ADGRA2: variants seen among roughly 807,000 people sequenced by gnomAD.
The protein encoded by ADGRA2 is adhesion G protein-coupled receptor A2.
A neutral mutation model predicts 98.7 loss-of-function variants in ADGRA2; 61 were observed. The observed-to-expected ratio is 0.62, with a 90% CI of 0.50 to 0.76. ADGRA2 has a LOEUF of 0.76. Ranked by LOEUF, ADGRA2 falls within the 30% of genes least tolerant of loss-of-function variation. The probability of loss-of-function intolerance (pLI) is 0.00; values close to 1 mark genes in which losing one functional copy is unlikely to be tolerated. For synonymous variants in ADGRA2, 858 were observed against 831.5 expected, an observed-to-expected ratio of 1.03 and a Z score of -0.55; for missense variants, 1,712 against 1,860.0, an observed-to-expected ratio of 0.92 and a Z score of 1.46.
rs913049838 is a variant in ADGRA2, at chr8:37,834,762, T to C, written c.1609-412T>C. 3.3e-5 allele frequency among the ~76,000 whole-genome samples: 5 copies of C among 152,044 alleles called. No homozygotes were observed. The highest frequency in any genetic ancestry group is 9.7e-5 in the African/African-American group (4 of 41,384). On this transcript the variant is annotated intron_variant, in intron 11 of 18. Coordinates refer to ENST00000412232, the MANE Select transcript of ADGRA2 (RefSeq NM_032777.10). The surrounding 1 kb of genome is among the most constrained non-coding windows in gnomAD (Gnocchi z 4.2). ...CAAAAATTACCCAGGAGTGTTGGCA[T>C]GCGCCTGTGGTCCCAGCTACTCGGG...
chr8:37,824,012 C>T (rs2129981853), intron 2 of ADGRA2, among the ~76,000 whole-genome samples: 1 of 151,662 alleles, frequency 6.6e-6, no homozygotes, highest in Non-Finnish European at 1.5e-5. Flanking sequence ...CTTTCACTTT[C>T]TTGATGATAT....
chr8:37,797,201 G>T lies in ADGRA2; in HGVS notation c.-68G>T, dbSNP rs2129869929. 1 of 1,160,114 alleles carries T rather than the reference G, an allele frequency of 8.6e-7. No individual in the cohort carries two copies. The highest frequency in any genetic ancestry group is 3.7e-5 in the East Asian group (1 of 27,252). The allele number at this position is 1,160,114 out of a possible 1,614,324, so 71.9% of individuals were successfully genotyped here. Reference sequence around the variant, plus strand: ...CCCCCGCTGAGCACTCCTCCCGCACGCCTGGGTCCCTCCGGCCGGCGCGCA... The same window carrying T: ...CCCCCGCTGAGCACTCCTCCCGCACTCCTGGGTCCCTCCGGCCGGCGCGCA... On this transcript the variant is annotated 5_prime_UTR_variant, in exon 1 of 19. Coordinates refer to ENST00000412232, the MANE Select transcript of ADGRA2 (RefSeq NM_032777.10). This position sits in a 1 kb window ranked among gnomAD's most constrained non-coding sequence, Gnocchi z 5.3.
rs765595520 is a variant in ADGRA2 at position 37,841,784 on chromosome 8, C to G, written c.3446C>G (p.Ala1149Gly). Reference sequence around the variant, plus strand: ...CTGGCCCAGAGTCAGGTGTGCGAGGCGGGGGCGGCGGCCGGCGGGGAAGGA... The same window carrying G: ...CTGGCCCAGAGTCAGGTGTGCGAGGGGGGGGCGGCGGCCGGCGGGGAAGGA... ...LQLAQSQVCE[A>G]GAAAGGEGEP... Residue 1149 changes from alanine (A) to glycine (G), a missense_variant, in exon 19 of 19, where the codon GCG becomes GGG. Coordinates refer to ENST00000412232, the MANE Select transcript of ADGRA2 (RefSeq NM_032777.10). This position sits in a 1 kb window ranked among gnomAD's most constrained non-coding sequence, Gnocchi z 5.0. 6.5e-7 allele frequency: 1 copy of G among 1,533,374 alleles called. No homozygotes were observed. The highest frequency in any genetic ancestry group is 8.7e-7 in the Non-Finnish European group (1 of 1,144,030). 95.0% of individuals were successfully genotyped at this position (1,533,374 alleles called of 1,614,324 possible).
rs1223298294 is a variant in ADGRA2, at chr8:37,797,887, A to C, written c.266+353A>C. Among the ~76,000 whole-genome samples, 1 of 152,144 alleles carries C rather than the reference A, an allele frequency of 6.6e-6. No individual in the cohort carries two copies. Among genetic ancestry groups the C allele is most frequent in the African/African-American group, 2.4e-5 (1 of 41,438 alleles). On this transcript the variant is annotated intron_variant, in intron 1 of 18. Coordinates refer to ENST00000412232, the MANE Select transcript of ADGRA2 (RefSeq NM_032777.10). The surrounding 1 kb of genome is among the most constrained non-coding windows in gnomAD (Gnocchi z 5.3). ...ACTTTGGGGACCTGAGAAGGGTGAG[A>C]GCGGGGAATGCTCAGGAAAGATCGA...
intron 1 of ADGRA2, among the ~76,000 whole-genome samples, chr8:37,805,354 T>C (rs944705866): frequency 6.6e-6 from 1 of 152,134 alleles, no homozygotes. Context: ...GTAGCAAATA[T>C]AGCTTCTATG....
At chr8:37,817,100 C>T (rs548871929) in intron 2 of ADGRA2, among the ~76,000 whole-genome samples, 3 of 152,230 alleles carry the variant, frequency 2.0e-5, no homozygotes, top group Non-Finnish European at 2.9e-5. Context: ...ACAGCAGCCT[C>T]GTGAGGGAGC....
In ADGRA2 at chr8:37,831,491, A is replaced by G; in HGVS notation, c.1001A>G (p.Gln334Arg). Residue 334 changes from glutamine to arginine, a missense_variant, in exon 8 of 19, where the codon CAA becomes CGA. Gln to Arg is a conservative substitution (Grantham distance 43, BLOSUM62 1). Coordinates refer to ENST00000412232, the MANE Select transcript of ADGRA2 (RefSeq NM_032777.10). The stretch of plus-strand genomic sequence containing the variant: ...TGGGAGTGCACCGTGTCCATGGCCC[A>G]AGGCAACGCCAGCAAGAAGGTGGAG... ...GEWECTVSMAQGNASKKVEIV... is the reference protein window; with the variant it reads ...GEWECTVSMARGNASKKVEIV... The G allele has an allele frequency of 6.2e-7, 1 of 1,613,822 alleles. No individual in the cohort carries two copies. Among genetic ancestry groups the G allele is most frequent in the Non-Finnish European group, 8.5e-7 (1 of 1,180,006 alleles).
chr8:37,817,834 T>C (rs923363020), intron 2 of ADGRA2, among the ~76,000 whole-genome samples: 3 of 152,150 alleles, frequency 2.0e-5, no homozygotes, highest in African/African-American at 7.2e-5. Flanking sequence ...CTGGCCAACA[T>C]GGTGAAACCC....
In ADGRA2 at chr8:37,837,610, G is replaced by A. The variant is rs922905752; in HGVS notation, c.2051-121G>A. 12 of 814,352 alleles carry A rather than the reference G, an allele frequency of 1.5e-5. No homozygotes were observed. The South Asian group carries it at 1.5e-4, about 10-fold the overall frequency. 50.4% of individuals were successfully genotyped at this position (814,352 alleles called of 1,614,324 possible). ...CACCGCATGCCCCCAGCCCAGCACTGTGCCCTGCCTGGCAGGTGCCTAGTA... is the reference window on the plus strand; with the variant it reads ...CACCGCATGCCCCCAGCCCAGCACTATGCCCTGCCTGGCAGGTGCCTAGTA... On this transcript the variant is annotated intron_variant, in intron 13 of 18. Coordinates refer to ENST00000412232, the MANE Select transcript of ADGRA2 (RefSeq NM_032777.10).
chr8:37,807,942 C>G (rs12678351), intron 1 of ADGRA2, among the ~76,000 whole-genome samples: 11,151 of 152,202 alleles, frequency 0.073, 940 homozygotes, highest in East Asian at 0.19. Context: ...CCACGTGACT[C>G]CTGCAGGGTC....
chr8:37,818,150 G>A (rs1338928220), intron 2 of ADGRA2, among the ~76,000 whole-genome samples: 5 of 152,192 alleles, frequency 3.3e-5, no homozygotes, highest in East Asian at 1.9e-4. Flanking sequence ...TCTTGGAGTC[G>A]CAGGAAACCA....
Position 37,841,508 on chromosome 8 carries a change from C to T in ADGRA2, c.3170C>T (p.Ala1057Val), listed in dbSNP as rs1239705191. 5 of 1,612,752 alleles carry T rather than the reference C, an allele frequency of 3.1e-6. No individual in the cohort carries two copies. The Admixed American group carries it at 6.7e-5, about 22-fold the overall frequency. ...RVVCSCLYGV[A>V]ASALGLFVFT... ...GTGTGCAGCTGCTTGTACGGGGTGG[C>T]AGCCTCCGCCCTGGGCCTCTTCGTC... Residue 1057 changes from alanine to valine, a missense_variant, in exon 19 of 19, where the codon GCA (alanine) becomes GTA (valine). Ala to Val is a moderately conservative substitution (Grantham distance 64, BLOSUM62 0). Coordinates refer to ENST00000412232, the MANE Select transcript of ADGRA2 (RefSeq NM_032777.10). This position sits in a 1 kb window ranked among gnomAD's most constrained non-coding sequence, Gnocchi z 5.0.
intron 1 of ADGRA2, among the ~76,000 whole-genome samples, chr8:37,800,704 A>G (rs1039270379): frequency 6.6e-6 from 1 of 152,144 alleles, no homozygotes; most frequent in East Asian, 1.9e-4. Flanking sequence ...TCTGGGAAGG[A>G]GGGAGCTGCC....
At position 37,829,929 on chromosome 8, in the gene ADGRA2, G is replaced by A. The variant is rs758944020; in HGVS notation, c.633G>A (p.Gln211=). 1.2e-6 allele frequency: 2 copies of A among 1,612,270 alleles called. No homozygotes were observed. Among genetic ancestry groups the A allele is most frequent in the Non-Finnish European group, 1.7e-6 (2 of 1,179,872 alleles). ...LLPWAQNRSL[Q]LSEHTLCAYP... ...CCTGGGCCCAGAATCGCTCCCTGCAGCTGTCGGAACACACGCTCTGTGCTT... is the reference window on the plus strand; with the variant it reads ...CCTGGGCCCAGAATCGCTCCCTGCAACTGTCGGAACACACGCTCTGTGCTT... Residue 211 remains glutamine, a synonymous_variant, in exon 6 of 19, where the codon CAG becomes CAA. Transcript: ENST00000412232.
rs1285420605 is a variant in ADGRA2 at position 37,833,807 on chromosome 8, A to G, written c.1416A>G (p.Lys472=). The G allele has an allele frequency of 1.9e-6, 3 of 1,614,048 alleles. No homozygotes were observed. The highest frequency in any genetic ancestry group is 2.5e-6 in the Non-Finnish European group (3 of 1,180,032). ...TCTATGTGGCTCAGATGATCCAGAA[A>G]TTTTTGGGTTATGTCGACCAGATCA... ...DVVYVAQMIQ[K]FLGYVDQIKE... The change falls in exon 10 of 19, where the codon AAA becomes AAG. Residue 472 remains lysine (K), a synonymous_variant. Transcript: ENST00000412232.
intron 1 of ADGRA2, among the ~76,000 whole-genome samples, chr8:37,812,349 T>C (rs62490686): frequency 9.3e-4 from 142 of 152,164 alleles, no homozygotes; most frequent in African/African-American, 3.2e-3. Flanking sequence ...GATTTGTGGC[T>C]GGGCGCGGTG....
Position 37,829,270 on chromosome 8 carries a change from C to G in ADGRA2, c.420C>G (p.Ser140=). Residue 140 remains serine (S), a synonymous_variant, in exon 4 of 19, where the codon TCC becomes TCG. Transcript: ENST00000412232. ...GLGELKRLDL[S]NNRIGCLTSE... ...GCCTGTGTCTCTCTAGAGATCTCTC[C>G]AACAACCGGATTGGCTGTCTCACCT... The G allele has an allele frequency of 9.9e-6, 16 of 1,613,568 alleles. No individual in the cohort carries two copies. Among genetic ancestry groups the G allele is most frequent in the Non-Finnish European group, 1.4e-5 (16 of 1,179,638 alleles).
At position 37,842,149 on chromosome 8, in the gene ADGRA2, C is replaced by T. The variant is rs904637013; in HGVS notation, c.3811C>T (p.Gln1271Ter). 1 of 1,516,284 alleles carries T rather than the reference C, an allele frequency of 6.6e-7. No individual in the cohort carries two copies. The highest frequency in any genetic ancestry group is 2.1e-5 in the Admixed American group (1 of 46,988). The allele number at this position is 1,516,284 out of a possible 1,614,324, so 93.9% of individuals were successfully genotyped here. A position where few individuals can be genotyped will look rare whatever the true frequency, so the allele number is the denominator to read the frequency against. ...APLSEAGRAG[Q>*]RRSASRDSLK... ...GCTTTCTGAGGCGGGCCGGGCAGGCCAGCGCCGCAGCGCCAGCCGCGACAG... is the reference window on the plus strand; with the variant it reads ...GCTTTCTGAGGCGGGCCGGGCAGGCTAGCGCCGCAGCGCCAGCCGCGACAG... The change falls in exon 19 of 19, where the codon CAG becomes TAG. Residue 1271 changes from glutamine (Q) to a stop codon, truncating the protein, a stop_gained. Transcript: ENST00000412232. LOFTEE classifies it low-confidence loss of function (END_TRUNC).
intron 9 of ADGRA2, 128 bp downstream of exon 9, chr8:37,833,336 A>C: frequency 1.3e-6 from 1 of 763,832 alleles, no homozygotes; most frequent in South Asian, 1.8e-5. Flanking sequence ...CTGCCTGTGC[A>C]GAGCCAGGAG....
Sources: allele counts gnomAD v4.1 joint callset (sites outside exome capture counted in the v4.1 genomes callset), GRCh38; gene constraint gnomAD v4.1.1; non-coding constraint Gnocchi (gnomAD v3.1); transcripts MANE v1.5; gene names NCBI Gene and HGNC (gene_info 2026-07-23, HGNC 2026-07-21).